The following ANXA10 variants were observed in gnomAD, a reference collection of about 807,000 sequenced individuals.
ANXA10 encodes the protein annexin A10.
ANXA10 carries 49 observed loss-of-function variants against 53.5 expected under a neutral mutation model. The observed-to-expected ratio is 0.92, with a 90% confidence interval of 0.73 to 1.16. The LOEUF is 1.16. Among genes scored for constraint, ANXA10 ranks in the 50% most tolerant of loss-of-function variants. The pLI, the probability that ANXA10 is intolerant of heterozygous loss-of-function variation, is 0.00. For synonymous variants in ANXA10, 131 were observed against 128.9 expected (o/e 1.02, Z -0.11); for missense variants, 393 against 394.4 (o/e 1.00, Z 0.03).
chr4:168,155,159 A>C (rs1731583659), intron 3 of ANXA10, among the ~76,000 whole-genome samples: 1 of 151,080 alleles, frequency 6.6e-6, no homozygotes, highest in Non-Finnish European at 1.5e-5. Flanking sequence ...TGCCTGATCA[A>C]ATCCCACTTT....
At chr4:168,148,517 C>T (rs2149473745) in intron 3 of ANXA10, among the ~76,000 whole-genome samples, 1 of 152,286 alleles carries the variant, frequency 6.6e-6, no homozygotes, top group East Asian at 1.9e-4. Context: ...ATCTTACTTG[C>T]TAACCTATGT....
chr4:168,152,574 T>C (rs894265604), intron 3 of ANXA10, among the ~76,000 whole-genome samples: 2 of 151,944 alleles, frequency 1.3e-5, no homozygotes, highest in African/African-American at 2.4e-5. Context: ...AGAAAACATT[T>C]TGAGCAGAGG....
chr4:168,165,185 T>A, intron 5 of ANXA10, 62 bp from the exon 6 acceptor site: 1 of 1,126,654 alleles, frequency 8.9e-7, no homozygotes, highest in Non-Finnish European at 1.3e-6. Context: ...ATTAACTTAC[T>A]CAAAACACAC....
chr4:168,178,330 C>T (rs1286196533), intron 8 of ANXA10: 1 of 254,700 alleles, frequency 3.9e-6, no homozygotes, highest in Non-Finnish European at 7.7e-6. Context: ...CCAGTCAATA[C>T]TGCATCAAGG....
At chr4:168,119,170 T>C (rs1421894287) in intron 1 of ANXA10, among the ~76,000 whole-genome samples, 2 of 152,176 alleles carry the variant, frequency 1.3e-5, no homozygotes, top group African/African-American at 4.8e-5. Context: ...AGATTTGTGA[T>C]GAGGAAATGA....
At chr4:168,110,467 G>A (rs1328281270) in intron 1 of ANXA10, among the ~76,000 whole-genome samples, 1 of 142,838 alleles carries the variant, frequency 7.0e-6, no homozygotes. Flanking sequence ...TTTTGAGATT[G>A]GTACATCTTA....
chr4:168,158,971 C>A (rs572037181), intron 3 of ANXA10, among the ~76,000 whole-genome samples: 1 of 152,230 alleles, frequency 6.6e-6, no homozygotes, highest in South Asian at 2.1e-4. Flanking sequence ...TCTTGCTCCC[C>A]CTTTGCCTTC....
intron 1 of ANXA10, among the ~76,000 whole-genome samples, chr4:168,115,884 C>T (rs897455756): frequency 6.6e-6 from 1 of 152,158 alleles, no homozygotes; most frequent in Non-Finnish European, 1.5e-5. Flanking sequence ...ATGCCTAGAG[C>T]ATAGCCTGCT....
rs1220785134 is a variant in ANXA10 at position 168,187,409 on chromosome 4, G to A, written c.950G>A (p.Cys317Tyr). The change falls in exon 12 of 12, where the codon TGT (cysteine) becomes TAT (tyrosine). Residue 317 changes from cysteine (C) to tyrosine (Y), a missense_variant. Coordinates refer to ENST00000359299, the MANE Select transcript of ANXA10 (RefSeq NM_007193.5). Reference protein sequence around the residue: ...GHYKKALLAICAGDAEDY With the variant: ...GHYKKALLAIYAGDAEDY The stretch of plus-strand genomic sequence containing the variant: ...TATAAGAAAGCACTGCTTGCCATCT[G>A]TGCTGGTGATGCTGAGGACTACTAA... 2.5e-6 allele frequency: 4 copies of A among 1,596,946 alleles called. No homozygotes were observed. Among genetic ancestry groups the A allele is most frequent in the Non-Finnish European group, 3.4e-6 (4 of 1,170,200 alleles).
chr4:168,147,843 T>C (rs1731429879), intron 3 of ANXA10, among the ~76,000 whole-genome samples: 1 of 152,168 alleles, frequency 6.6e-6, no homozygotes, highest in Non-Finnish European at 1.5e-5. Flanking sequence ...GGAAGATCTG[T>C]GTCCCACCCT....
intron 2 of ANXA10, among the ~76,000 whole-genome samples, chr4:168,138,219 C>A (rs747232195): frequency 6.6e-6 from 1 of 152,114 alleles, no homozygotes; most frequent in Non-Finnish European, 1.5e-5. Context: ...CCTCGACCCC[C>A]CAAAGTGCTG....
chr4:168,173,339 C>T (rs1016291517), intron 6 of ANXA10, among the ~76,000 whole-genome samples: 4 of 152,106 alleles, frequency 2.6e-5, no homozygotes, highest in Non-Finnish European at 4.4e-5. Flanking sequence ...AGAAGTAGCA[C>T]GTGGTAAGAT....
intron 1 of ANXA10, among the ~76,000 whole-genome samples, chr4:168,104,965 T>C (rs1338242959): frequency 6.6e-6 from 1 of 151,958 alleles, no homozygotes; most frequent in Non-Finnish European, 1.5e-5. Context: ...GTTATAAATT[T>C]ACCTTTAGGC....
At chr4:168,176,357 G>A (rs919414618) in intron 6 of ANXA10, among the ~76,000 whole-genome samples, 2 of 152,140 alleles carry the variant, frequency 1.3e-5, no homozygotes, top group Non-Finnish European at 2.9e-5. Context: ...TTTGGTCAGA[G>A]AAACCTTTCA....
intron 1 of ANXA10, among the ~76,000 whole-genome samples, chr4:168,108,464 A>C (rs1692747893): frequency 6.6e-6 from 1 of 152,082 alleles, no homozygotes; most frequent in East Asian, 1.9e-4. Flanking sequence ...TTTCTTTGGG[A>C]CCATTATAGG....
chr4:168,156,162 T>TATATAA (rs377015231), intron 3 of ANXA10, among the ~76,000 whole-genome samples: 1 of 50,888 alleles, frequency 2.0e-5, no homozygotes, highest in Admixed American at 4.1e-4. Context: ...ATATTATATA[T>TATATAA]TATATATATT....
intron 2 of ANXA10, among the ~76,000 whole-genome samples, chr4:168,128,516 T>G (rs1731108634): frequency 6.6e-6 from 1 of 152,172 alleles, no homozygotes; most frequent in Admixed American, 6.5e-5. Flanking sequence ...TTGTTTCATT[T>G]GCTATTTGCT....
intron 1 of ANXA10, among the ~76,000 whole-genome samples, chr4:168,095,605 A>G (rs2149463072): frequency 6.6e-6 from 1 of 152,246 alleles, no homozygotes; most frequent in Admixed American, 6.5e-5. Flanking sequence ...ATACCATTTA[A>G]CATGCAAAGG....
In ANXA10 at chr4:168,187,481, C is replaced by T. The variant is rs1215859575; in HGVS notation, c.*47C>T. ...TGTGCACTCCTCTTTCTAGACACTTCCAAATAGAGATTTTCTCACAAATTT... is the reference window on the plus strand; with the variant it reads ...TGTGCACTCCTCTTTCTAGACACTTTCAAATAGAGATTTTCTCACAAATTT... On this transcript the variant is annotated 3_prime_UTR_variant, in exon 12 of 12. Transcript: ENST00000359299. 4 of 1,259,938 alleles carry T rather than the reference C, an allele frequency of 3.2e-6. No individual in the cohort carries two copies. Among genetic ancestry groups the T allele is most frequent in the Non-Finnish European group, 3.3e-6 (3 of 911,310 alleles). 78.0% of individuals were successfully genotyped at this position (1,259,938 alleles called of 1,614,324 possible). A position where few individuals can be genotyped will look rare whatever the true frequency, so the allele number is the denominator to read the frequency against.
Sources: allele counts gnomAD v4.1 joint callset (sites outside exome capture counted in the v4.1 genomes callset), GRCh38; gene constraint gnomAD v4.1.1; transcripts MANE v1.5; gene names NCBI Gene and HGNC (gene_info 2026-07-23, HGNC 2026-07-21).